The following WASF2 variants were observed in gnomAD, a reference collection of about 807,000 sequenced individuals.
The protein encoded by WASF2 is actin-binding protein WASF2.
In WASF2, 14 loss-of-function variants were observed where a neutral mutation model predicts 45.0. The ratio of observed to expected loss-of-function variants is 0.31; its 90% CI spans 0.21 to 0.49. WASF2 has a LOEUF of 0.49. WASF2 is among the 20% of genes least tolerant of loss of function. The pLI is 0.99. For synonymous variants in WASF2, 200 were observed against 236.3 expected (o/e 0.85, Z 1.41); for missense variants, 439 against 636.1 (o/e 0.69, Z 3.33).
chr1:27,423,426 T>TC (rs987984193), intron 2 of WASF2, among the ~76,000 whole-genome samples: 1 of 152,166 alleles, frequency 6.6e-6, no homozygotes, highest in Non-Finnish European at 1.5e-5. Context: ...CCTCAAGTGA[T>TC]CCGCCTTGGC....
chr1:27,445,174 A>G (rs766898230), intron 1 of WASF2, among the ~76,000 whole-genome samples: 3 of 152,242 alleles, frequency 2.0e-5, no homozygotes, highest in Non-Finnish European at 2.9e-5. Context: ...CTCAATAAAT[A>G]CCTGTTAAAT....
intron 1 of WASF2, among the ~76,000 whole-genome samples, chr1:27,460,864 C>T (rs1007781973): frequency 2.9e-4 from 44 of 152,270 alleles, no homozygotes; most frequent in Non-Finnish European, 5.1e-4. Flanking sequence ...TTTGGCCAGG[C>T]GCAGTGGCTC....
Position 27,404,828 on chromosome 1 carries a change from G to A in WASF2, c.*3361C>T, listed in dbSNP as rs183573470. ...AGGGAACATGGTAGGAGGCACAGAA[G>A]GAGGCACAGAATGAGGCACATCTCT... is the stretch of plus-strand genomic sequence containing the variant. On this transcript the variant is annotated 3_prime_UTR_variant, in exon 9 of 9. Transcript: ENST00000618852. The A allele has an allele frequency of 1.3e-5, 2 of 151,176 alleles. No individual in the cohort carries two copies. The highest frequency in any genetic ancestry group is 4.9e-5 in the African/African-American group (2 of 41,092). The allele number at this position is 151,176 out of a possible 1,614,324, so 9.4% of individuals were successfully genotyped here. A position where few individuals can be genotyped will look rare whatever the true frequency, so the allele number is the denominator to read the frequency against.
Position 27,476,913 on chromosome 1 carries a change from A to G in WASF2, c.-44+13073T>C, listed in dbSNP as rs902963372. 9.9e-4 allele frequency among the ~76,000 whole-genome samples: 151 copies of G among 152,344 alleles called. 1 individual carries two copies. The highest frequency in any genetic ancestry group is 3.4e-3 in the African/African-American group (142 of 41,586). ...CATGTAGACAAAAATAAGGTAATTC[A>G]GTGACAGAAAAATAGTTCAAACTAT... is the stretch of plus-strand genomic sequence containing the variant. On this transcript the variant is annotated intron_variant, in intron 1 of 8. Transcript: ENST00000618852.
rs576983252 is a variant in WASF2, at chr1:27,482,250, C to T, written c.-44+7736G>A. ...TGAAGTCTTCAAATGTTACCACTAC[C>T]TTGTCATTAATTTATGAATGCCCAG... On this transcript the variant is annotated intron_variant, in intron 1 of 8. Transcript: ENST00000618852. Among the ~76,000 whole-genome samples the T allele has an allele frequency of 8.5e-5, 13 of 152,296 alleles. No individual in the cohort carries two copies. The South Asian group carries it at 2.7e-3, about 32-fold the overall frequency.
intron 3 of WASF2, 30 bp from the exon 4 acceptor site, chr1:27,418,452 GGAC>G: frequency 2.5e-6 from 4 of 1,614,038 alleles, no homozygotes; most frequent in Non-Finnish European, 3.4e-6. Flanking sequence ...GTTAGAAAAT[GGAC>G]GACAGGCTAT....
chr1:27,463,805 T>C (rs35181314), intron 1 of WASF2, among the ~76,000 whole-genome samples: 1 of 135,862 alleles, frequency 7.4e-6, no homozygotes, highest in Non-Finnish European at 1.5e-5. Flanking sequence ...ATTATTATTA[T>C]TTTTTTTTTT....
At chr1:27,426,061 A>G (rs1455382777) in intron 2 of WASF2, among the ~76,000 whole-genome samples, 1 of 152,146 alleles carries the variant, frequency 6.6e-6, no homozygotes, top group Non-Finnish European at 1.5e-5. Flanking sequence ...TGGAAGACAG[A>G]CTGTAGAAAA....
At chr1:27,488,394 A>G (rs1571173680) in intron 1 of WASF2, among the ~76,000 whole-genome samples, 1 of 152,204 alleles carries the variant, frequency 6.6e-6, no homozygotes, top group South Asian at 2.1e-4. Context: ...TGAACCTTTC[A>G]CCCAAGAAAT....
At position 27,412,670 on chromosome 1, in the gene WASF2, A is replaced by T; in HGVS notation, c.726T>A (p.Asp242Glu). 6 of 1,614,246 alleles carry T rather than the reference A, an allele frequency of 3.7e-6. No homozygotes were observed. The highest frequency in any genetic ancestry group is 5.1e-6 in the Non-Finnish European group (6 of 1,180,040). ...GTGGTGGTGGCGGATAGCTACTTGCATCCACGTTTTCAACACAGCCAATGC... is the reference window on the plus strand; with the variant it reads ...GTGGTGGTGGCGGATAGCTACTTGCTTCCACGTTTTCAACACAGCCAATGC... ...NGSIGCVENVDASSYPPPPQS... is the reference protein window; with the variant it reads ...NGSIGCVENVEASSYPPPPQS... The change falls in exon 7 of 9, where the codon GAT becomes GAA. Residue 242 changes from aspartate to glutamate, a missense_variant. Physicochemically the swap from Asp to Glu is conservative, Grantham distance 45. Coordinates refer to ENST00000618852, the MANE Select transcript of WASF2 (RefSeq NM_006990.5).
chr1:27,443,927 C>CCCA (rs1420181629), intron 1 of WASF2, among the ~76,000 whole-genome samples: 1 of 151,626 alleles, frequency 6.6e-6, no homozygotes, highest in East Asian at 1.9e-4. Flanking sequence ...ATTACAGGCA[C>CCCA]CCACCACCAC....
chr1:27,411,740 G>A lies in WASF2; in HGVS notation c.824+832C>T, dbSNP rs184503382. Among the ~76,000 whole-genome samples the A allele has an allele frequency of 3.3e-4, 51 of 152,342 alleles. 1 individual carries two copies. The East Asian group carries it at 8.5e-3, about 25-fold the overall frequency. On this transcript the variant is annotated intron_variant, in intron 7 of 8. Transcript: ENST00000618852. ...TAGCTGGGCGTGGTGGTGGGTGCCT[G>A]TAGTCCCAGCTACTCGAGAAGCTAA...
chr1:27,408,792 A>G (rs1276535468), intron 8 of WASF2, among the ~76,000 whole-genome samples: 20 of 151,436 alleles, frequency 1.3e-4, no homozygotes, highest in Admixed American at 1.3e-3. Flanking sequence ...TAAATGCTCC[A>G]ATGTTCCAGG....
Position 27,418,543 on chromosome 1 carries a change from CT to C in WASF2, c.266-122del, listed in dbSNP as rs551021561. 3,219 of 1,335,014 alleles carry C rather than the reference CT, an allele frequency of 2.4e-3. 4 individuals are homozygous for C. Among genetic ancestry groups the C allele is most frequent in the Non-Finnish European group, 2.9e-3 (2,839 of 976,926 alleles). 82.7% of individuals were successfully genotyped at this position (1,335,014 alleles called of 1,614,324 possible). On this transcript the variant is annotated intron_variant, in intron 3 of 8. Coordinates refer to ENST00000618852, the MANE Select transcript of WASF2 (RefSeq NM_006990.5). ...TTGGCTGTGGCTGTCCGCAGCCAGG[CT>C]TTTTTTTTCCCTCCCCCTCTGGGGA...
At chr1:27,458,251 T>C (rs1351390882) in intron 1 of WASF2, among the ~76,000 whole-genome samples, 1 of 145,632 alleles carries the variant, frequency 6.9e-6, no homozygotes, top group African/African-American at 2.6e-5. Flanking sequence ...CGGCGGAGGT[T>C]GCAATGAGCC....
intron 1 of WASF2, among the ~76,000 whole-genome samples, chr1:27,469,855 T>A (rs559405722): frequency 6.6e-6 from 1 of 151,884 alleles, no homozygotes; most frequent in Admixed American, 6.6e-5. Context: ...GGCAGGAGAA[T>A]CACTTGATCC....
At chr1:27,489,246 A>ACG (rs201235530) in intron 1 of WASF2, among the ~76,000 whole-genome samples, 232 of 107,870 alleles carry the variant, frequency 2.2e-3, no homozygotes, top group South Asian at 4.7e-3. Context: ...ACTATCCTGT[A>ACG]CGCGCGCACA....
At chr1:27,445,197 CCA>C (rs2017295572) in intron 1 of WASF2, among the ~76,000 whole-genome samples, 1 of 152,064 alleles carries the variant, frequency 6.6e-6, no homozygotes, top group South Asian at 2.1e-4. Flanking sequence ...CTAAAATGTA[CCA>C]GATATTTATT....
At chr1:27,447,502 T>A (rs144284231) in intron 1 of WASF2, among the ~76,000 whole-genome samples, 2 of 152,336 alleles carry the variant, frequency 1.3e-5, no homozygotes, top group East Asian at 3.9e-4. Flanking sequence ...CTTTGGTTGT[T>A]CAGATTGTAG....
Sources: allele counts gnomAD v4.1 joint callset (sites outside exome capture counted in the v4.1 genomes callset), GRCh38; gene constraint gnomAD v4.1.1; transcripts MANE v1.5; gene names NCBI Gene and HGNC (gene_info 2026-07-23, HGNC 2026-07-21).